The following MTHFD2L variants were observed in gnomAD, a reference collection of about 807,000 sequenced individuals.
MTHFD2L encodes bifunctional methylenetetrahydrofolate dehydrogenase/cyclohydrolase 2, mitochondrial.
A neutral mutation model predicts 34.9 loss-of-function variants in MTHFD2L; 29 were observed. The ratio of observed to expected loss-of-function variants is 0.83; its 90% CI spans 0.62 to 1.13. The LOEUF (loss-of-function observed/expected upper bound fraction) is 1.13. MTHFD2L is among the 50% of genes most tolerant of loss of function. The probability of loss-of-function intolerance (pLI) is 0.00; values close to 1 mark genes in which losing one functional copy is unlikely to be tolerated. For synonymous variants in MTHFD2L, 167 were observed against 155.7 expected (o/e 1.07, Z -0.54); for missense variants, 481 against 446.5 (o/e 1.08, Z -0.70).
intron 5 of MTHFD2L, among the ~76,000 whole-genome samples, chr4:74,216,754 C>T (rs1737277543): frequency 6.6e-6 from 1 of 151,766 alleles, no homozygotes; most frequent in Non-Finnish European, 1.5e-5. Context: ...CTTTCTCTTA[C>T]ATCCTTTGTC....
chr4:74,197,826 G>A (rs1733750143), intron 3 of MTHFD2L, among the ~76,000 whole-genome samples: 1 of 152,102 alleles, frequency 6.6e-6, no homozygotes. Flanking sequence ...TGTAGATAGA[G>A]TAGTTCACAT....
chr4:74,246,689 C>A (rs1037423581), intron 6 of MTHFD2L, among the ~76,000 whole-genome samples: 2 of 152,130 alleles, frequency 1.3e-5, no homozygotes, highest in Admixed American at 1.3e-4. Context: ...TTTCAGCTTT[C>A]TACATATGGC....
chr4:74,125,279 GA>G (rs1721991139), upstream of MTHFD2L, among the ~76,000 whole-genome samples: 1 of 152,120 alleles, frequency 6.6e-6, no homozygotes, highest in Non-Finnish European at 1.5e-5. Flanking sequence ...GTGGCCTTTG[GA>G]AAAGTAAGTG....
rs150613000 is a variant in MTHFD2L, at chr4:74,226,748, C to A, written c.805+1354C>A. On this transcript the variant is annotated intron_variant, in intron 6 of 7. Coordinates refer to ENST00000325278, the MANE Select transcript of MTHFD2L (RefSeq NM_001144978.3). ...TTTATTCAATAAATATTGGACCCTTCCTATGCAGCAGTATCTGTTTTAAAT... is the reference window on the plus strand; with the variant it reads ...TTTATTCAATAAATATTGGACCCTTACTATGCAGCAGTATCTGTTTTAAAT... Among the ~76,000 whole-genome samples, 33 of 152,198 alleles carry A rather than the reference C, an allele frequency of 2.2e-4. 1 individual carries two copies. The highest frequency in any genetic ancestry group is 7.0e-4 in the African/African-American group (29 of 41,536).
At chr4:74,148,138 T>A (rs1723709365) in intron 1 of MTHFD2L, among the ~76,000 whole-genome samples, 1 of 152,066 alleles carries the variant, frequency 6.6e-6, no homozygotes, top group Non-Finnish European at 1.5e-5. Flanking sequence ...CCACATCGAA[T>A]GATATTGGCA....
At chr4:74,224,503 CAGG>C (rs1181600265) in intron 5 of MTHFD2L, among the ~76,000 whole-genome samples, 3 of 152,100 alleles carry the variant, frequency 2.0e-5, no homozygotes, top group Non-Finnish European at 4.4e-5. Context: ...GCACATCTTC[CAGG>C]AGAAGACAAG....
At chr4:74,168,812 G>A (rs972519340) in intron 1 of MTHFD2L, among the ~76,000 whole-genome samples, 3 of 152,148 alleles carry the variant, frequency 2.0e-5, no homozygotes, top group Non-Finnish European at 4.4e-5. Flanking sequence ...TTTAGGAGAT[G>A]TATTATTCAG....
chr4:74,203,658 T>C (rs1406467602), intron 5 of MTHFD2L, among the ~76,000 whole-genome samples: 5 of 151,970 alleles, frequency 3.3e-5, no homozygotes, highest in Non-Finnish European at 7.4e-5. Flanking sequence ...CAACCAGATA[T>C]CATGAGAACT....
At chr4:74,195,181 G>T (rs189373885) in intron 3 of MTHFD2L, 3 of 152,172 alleles carry the variant, frequency 2.0e-5, no homozygotes, top group African/African-American at 7.2e-5. Flanking sequence ...GAGAGAAGAC[G>T]AGAGTAACCA....
upstream of MTHFD2L, among the ~76,000 whole-genome samples, chr4:74,124,157 C>T (rs905462665): frequency 1.3e-5 from 2 of 151,972 alleles, no homozygotes; most frequent in Non-Finnish European, 2.9e-5. Flanking sequence ...TCATTTTCTG[C>T]CTGCTTTGAA....
intron 1 of MTHFD2L, among the ~76,000 whole-genome samples, chr4:74,135,027 G>C (rs1446859087): frequency 1.3e-5 from 2 of 152,096 alleles, no homozygotes; most frequent in African/African-American, 2.4e-5. Flanking sequence ...AGCAGAGCAG[G>C]AGCAAGGGTA....
At chr4:74,188,492 C>T (rs1285751697) in intron 3 of MTHFD2L, among the ~76,000 whole-genome samples, 1 of 152,084 alleles carries the variant, frequency 6.6e-6, no homozygotes, top group Non-Finnish European at 1.5e-5. Context: ...TAAATACAAT[C>T]ACATTAAGTG....
intron 1 of MTHFD2L, among the ~76,000 whole-genome samples, chr4:74,150,714 A>G (rs914147475): frequency 7.9e-5 from 12 of 152,206 alleles, no homozygotes; most frequent in Non-Finnish European, 1.5e-5. Flanking sequence ...ACATCAAAAC[A>G]AAGTGAAACA....
intron 7 of MTHFD2L, among the ~76,000 whole-genome samples, chr4:74,292,529 T>C (rs140332245): frequency 1.5e-3 from 228 of 152,232 alleles, no homozygotes; most frequent in African/African-American, 5.2e-3. Context: ...AGTTTACAGA[T>C]TTGCCACTCT....
intron 6 of MTHFD2L, among the ~76,000 whole-genome samples, chr4:74,240,526 A>G (rs1210441844): frequency 1.3e-5 from 2 of 152,212 alleles, no homozygotes; most frequent in African/African-American, 4.8e-5. Flanking sequence ...CAATGAAATT[A>G]TATTTTAAAA....
chr4:74,302,045 AT>A lies in MTHFD2L; in HGVS notation c.*240del. ...ATGAAAATTTTAGTAACAATTGTTTATTTTGAGGGTATTTGTTCATAACATT... is the reference window on the plus strand; with the variant it reads ...ATGAAAATTTTAGTAACAATTGTTTATTTGAGGGTATTTGTTCATAACATT... On this transcript the variant is annotated 3_prime_UTR_variant, in exon 8 of 8. Transcript: ENST00000325278. The A allele has an allele frequency of 2.9e-6, 1 of 348,530 alleles. No individual in the cohort carries two copies. The highest frequency in any genetic ancestry group is 5.2e-6 in the Non-Finnish European group (1 of 193,814). 21.6% of individuals were successfully genotyped at this position (348,530 alleles called of 1,614,324 possible).
intron 6 of MTHFD2L, among the ~76,000 whole-genome samples, chr4:74,235,861 C>T (rs186707739): frequency 3.5e-4 from 53 of 152,152 alleles, no homozygotes; most frequent in African/African-American, 1.1e-3. Context: ...CGACCTTTAT[C>T]GGCTTGAAAG....
intron 4 of MTHFD2L, among the ~76,000 whole-genome samples, chr4:74,200,303 CT>C (rs1393649941): frequency 2.0e-5 from 3 of 151,922 alleles, no homozygotes; most frequent in African/African-American, 4.8e-5. Context: ...CAGAGCAAGA[CT>C]CTGTCTCAAA....
In MTHFD2L at chr4:74,158,158, G is replaced by A. The variant is rs1440740730; in HGVS notation, c.20G>A (p.Gly7Asp). The A allele has an allele frequency of 6.5e-7, 1 of 1,529,602 alleles. No homozygotes were observed. The highest frequency in any genetic ancestry group is 8.8e-7 in the Non-Finnish European group (1 of 1,139,880). The allele number at this position is 1,529,602 out of a possible 1,614,324, so 94.8% of individuals were successfully genotyped here. MTVPVR[G>D]FSLLRGRLGR... ...GCGGCCATGACGGTGCCGGTCCGCG[G>A]CTTCTCGCTGCTCCGCGGCCGCCTT... Residue 7 changes from glycine (G) to aspartate (D), a missense_variant, in exon 1 of 8, where the codon GGC becomes GAC. By Grantham distance (94) the Gly-to-Asp change is moderately conservative (BLOSUM62 -1). Transcript: ENST00000325278.
Sources: gnomAD v4.1 joint callset for allele counts (sites outside exome capture counted in the v4.1 genomes callset) on GRCh38, gnomAD v4.1.1 for gene constraint, MANE v1.5 for transcripts, NCBI Gene and HGNC (gene_info 2026-07-23, HGNC 2026-07-21) for gene names.